Variants in LMO7 observed in about 807,000 individuals in gnomAD.
LMO7 encodes the protein LIM domain only protein 7.
In LMO7, 120 loss-of-function variants were observed where a neutral mutation model predicts 206.5. The observed-to-expected ratio is 0.58, with a 90% CI of 0.50 to 0.68. The LOEUF (loss-of-function observed/expected upper bound fraction) is 0.68, where lower values mean the gene tolerates loss of function less well. LMO7 is among the 30% of genes least tolerant of loss of function. The pLI, the probability that LMO7 is intolerant of heterozygous loss-of-function variation, is 0.00. For missense variants in LMO7, 1,959 were observed against 1,957.9 expected (o/e 1.00, Z -0.01); for synonymous variants, 706 against 681.5 (o/e 1.04, Z -0.56).
chr13:75,658,486 T>A (rs977937636), intron 1 of LMO7, among the ~76,000 whole-genome samples: 4 of 152,178 alleles, frequency 2.6e-5, no homozygotes, highest in Admixed American at 6.5e-5. Context: ...TAATATATTT[T>A]AAAAAATTAT....
At chr13:75,853,715 T>C (rs60560195) in intron 28 of LMO7, among the ~76,000 whole-genome samples, 22,346 of 152,158 alleles carry the variant, frequency 0.15, 1,957 homozygotes, top group East Asian at 0.29. Context: ...CATGAAAACA[T>C]ATAGCAGCTC....
At chr13:75,702,327 C>A (rs2042338093) in intron 1 of LMO7, among the ~76,000 whole-genome samples, 1 of 152,092 alleles carries the variant, frequency 6.6e-6, no homozygotes. Context: ...CTGACCCCAG[C>A]CACTCTGAGA....
chr13:75,633,938 C>A (rs2035377509), upstream of LMO7, among the ~76,000 whole-genome samples: 1 of 145,614 alleles, frequency 6.9e-6, no homozygotes, highest in African/African-American at 2.6e-5. Context: ...CCCTCTGACT[C>A]CCTGGTTCAA....
At chr13:75,639,686 A>G (rs1373183539) in intron 1 of LMO7, among the ~76,000 whole-genome samples, 1 of 152,248 alleles carries the variant, frequency 6.6e-6, no homozygotes, top group Non-Finnish European at 1.5e-5. Flanking sequence ...TGTGGTAAAC[A>G]GACAAAATAC....
chr13:75,734,266 A>G (rs371849084), intron 3 of LMO7, among the ~76,000 whole-genome samples: 1 of 152,230 alleles, frequency 6.6e-6, no homozygotes, highest in South Asian at 2.1e-4. Context: ...TCAGAGGACA[A>G]TAATAATGCG....
chr13:75,654,166 G>A (rs534161019), intron 1 of LMO7, among the ~76,000 whole-genome samples: 100 of 152,268 alleles, frequency 6.6e-4, no homozygotes, highest in African/African-American at 2.3e-3. Context: ...TTTAAAGAAG[G>A]GGAGAGCTTA....
intron 3 of LMO7, among the ~76,000 whole-genome samples, chr13:75,731,592 G>A (rs906901657): frequency 6.6e-6 from 1 of 151,978 alleles, no homozygotes; most frequent in African/African-American, 2.4e-5. Flanking sequence ...CAATTTGCCA[G>A]TCTGTGTCTT....
chr13:75,852,391 C>T (rs2060569691), intron 27 of LMO7, among the ~76,000 whole-genome samples: 1 of 152,174 alleles, frequency 6.6e-6, no homozygotes, highest in Non-Finnish European at 1.5e-5. Flanking sequence ...TGGCAGTCCA[C>T]ATATTACCTG....
At chr13:75,786,646 A>G (rs2052491756) in intron 4 of LMO7, among the ~76,000 whole-genome samples, 1 of 151,718 alleles carries the variant, frequency 6.6e-6, no homozygotes, top group Non-Finnish European at 1.5e-5. Flanking sequence ...CGGCCTCCCA[A>G]AGTGCTTGGA....
chr13:75,670,828 A>G (rs2039498047), intron 1 of LMO7, among the ~76,000 whole-genome samples: 1 of 152,140 alleles, frequency 6.6e-6, no homozygotes, highest in Admixed American at 6.6e-5. Context: ...GGCTCACTGT[A>G]ACTTTTTTAT....
chr13:75,802,612 A>G (rs2054900664), intron 7 of LMO7, among the ~76,000 whole-genome samples: 1 of 152,212 alleles, frequency 6.6e-6, no homozygotes, highest in African/African-American at 2.4e-5. Context: ...TGGAATGGGC[A>G]CCTGTCCATG....
chr13:75,649,052 G>A (rs924180383), intron 1 of LMO7, among the ~76,000 whole-genome samples: 3 of 152,200 alleles, frequency 2.0e-5, no homozygotes, highest in African/African-American at 4.8e-5. Context: ...AGTTGGGTAG[G>A]GGTGGTGTGG....
chr13:75,742,311 A>G (rs752595534), intron 3 of LMO7, among the ~76,000 whole-genome samples: 2 of 152,226 alleles, frequency 1.3e-5, no homozygotes, highest in Non-Finnish European at 2.9e-5. Flanking sequence ...CATACTGCCC[A>G]AAGCAAATTA....
At chr13:75,744,122 G>A (rs943697958) in intron 3 of LMO7, among the ~76,000 whole-genome samples, 1 of 152,166 alleles carries the variant, frequency 6.6e-6, no homozygotes, top group Non-Finnish European at 1.5e-5. Context: ...TATTTATAAT[G>A]TATTCTTAGG....
At position 75,690,855 on chromosome 13, in the gene LMO7, T is replaced by A. The variant is rs558005125; in HGVS notation, c.70-22327T>A. Reference sequence around the variant, plus strand: ...GTACTGAGGAAATGTGCACAGATACTTGCTGAAAGGATGAACAATAGTTTC... The same window carrying A: ...GTACTGAGGAAATGTGCACAGATACATGCTGAAAGGATGAACAATAGTTTC... On this transcript the variant is annotated intron_variant, in intron 1 of 30. Transcript: ENST00000377534. Among the ~76,000 whole-genome samples the A allele has an allele frequency of 6.6e-5, 10 of 152,322 alleles. 1 individual carries two copies. Among genetic ancestry groups the A allele is most frequent in the Admixed American group, 3.9e-4 (6 of 15,304 alleles).
At chr13:75,651,352 C>G (rs1048130478) in intron 1 of LMO7, among the ~76,000 whole-genome samples, 3 of 149,778 alleles carry the variant, frequency 2.0e-5, no homozygotes, top group Admixed American at 1.3e-4. Flanking sequence ...CTTTGTCACC[C>G]AGACTGGAGT....
intron 15 of LMO7, 86 bp downstream of exon 15, chr13:75,823,959 T>A: frequency 9.1e-7 from 1 of 1,096,202 alleles, no homozygotes; most frequent in Non-Finnish European, 1.3e-6. Flanking sequence ...GTCAAACCTC[T>A]AGGTGTTAAT....
chr13:75,787,377 A>G (rs2052602568), intron 4 of LMO7, among the ~76,000 whole-genome samples: 1 of 152,190 alleles, frequency 6.6e-6, no homozygotes, highest in Non-Finnish European at 1.5e-5. Context: ...CTGCTGTGTT[A>G]CTTAAGTGGG....
chr13:75,703,739 T>TGTGC (rs57290262), intron 1 of LMO7, among the ~76,000 whole-genome samples: 19 of 151,670 alleles, frequency 1.3e-4, no homozygotes, highest in Admixed American at 2.0e-4. Context: ...TGTGTGTGTG[T>TGTGC]GCACTGTGAG....
Sources: gnomAD v4.1 joint callset for allele counts (sites outside exome capture counted in the v4.1 genomes callset) on GRCh38, gnomAD v4.1.1 for gene constraint, MANE v1.5 for transcripts, NCBI Gene and HGNC (gene_info 2026-07-23, HGNC 2026-07-21) for gene names.